Variants in CNBD1 observed in about 807,000 individuals in gnomAD.
CNBD1 encodes cyclic nucleotide binding domain containing 1.
In CNBD1, 71 loss-of-function variants were observed where a neutral mutation model predicts 54.4. That is an observed-to-expected ratio of 1.30 (90% CI 1.08 to 1.59). The LOEUF (loss-of-function observed/expected upper bound fraction) is 1.59. Among genes scored for constraint, CNBD1 ranks in the 40% most tolerant of loss-of-function variants. The pLI is 0.00. For synonymous variants in CNBD1, 182 were observed against 170.7 expected (o/e 1.07, Z -0.51); for missense variants, 659 against 518.0 (o/e 1.27, Z -2.64).
intron 5 of CNBD1, among the ~76,000 whole-genome samples, chr8:87,223,289 G>C (rs1334903198): frequency 3.3e-5 from 5 of 149,326 alleles, no homozygotes; most frequent in African/African-American, 9.9e-5. Context: ...TGTGCACATT[G>C]TGCAGGTTAG....
At chr8:87,421,702 C>T (rs1204585992) in intron 2 of CNBD1, among the ~76,000 whole-genome samples, 1 of 150,684 alleles carries the variant, frequency 6.6e-6, no homozygotes, top group African/African-American at 2.5e-5. Flanking sequence ...GGTTCCAAGT[C>T]TTTGCTATTG....
chr8:86,930,938 C>T (rs549402819), intron 3 of CNBD1, among the ~76,000 whole-genome samples: 1 of 152,298 alleles, frequency 6.6e-6, no homozygotes, highest in African/African-American at 2.4e-5. Context: ...TTTTGCCCTT[C>T]TGAATTGTCC....
At chr8:86,992,679 TA>T (rs1355552736) in intron 4 of CNBD1, among the ~76,000 whole-genome samples, 1 of 152,140 alleles carries the variant, frequency 6.6e-6, no homozygotes, top group Non-Finnish European at 1.5e-5. Flanking sequence ...GGAATTCTCT[TA>T]GACTCTACTT....
At chr8:87,102,760 C>T (rs115900679) in intron 4 of CNBD1, among the ~76,000 whole-genome samples, 2,236 of 152,188 alleles carry the variant, frequency 0.015, 58 homozygotes, top group African/African-American at 0.05. Flanking sequence ...ACTACAGGCA[C>T]CTGCCAAAAC....
At chr8:87,241,467 T>C (rs1807705278) in intron 6 of CNBD1, among the ~76,000 whole-genome samples, 1 of 151,736 alleles carries the variant, frequency 6.6e-6, no homozygotes, top group South Asian at 2.1e-4. Flanking sequence ...AGAGACGGGG[T>C]TTCACCGTGT....
At chr8:86,990,892 T>C (rs1301527231) in intron 4 of CNBD1, among the ~76,000 whole-genome samples, 1 of 152,146 alleles carries the variant, frequency 6.6e-6, no homozygotes, top group Non-Finnish European at 1.5e-5. Flanking sequence ...GTTTTCATTT[T>C]AGAGGTCTTT....
rs571644256 is a variant in CNBD1 at position 87,236,969 on chromosome 8, C to T, written c.628C>T (p.Gln210Ter). The T allele has an allele frequency of 6.2e-7, 1 of 1,611,970 alleles. No homozygotes were observed. Among genetic ancestry groups the T allele is most frequent in the African/African-American group, 1.3e-5 (1 of 74,900 alleles). The change falls in exon 6 of 11, where the codon CAA becomes TAA. Residue 210 changes from glutamine (Q) to a stop codon, truncating the protein, a stop_gained. Coordinates refer to ENST00000518476, the MANE Select transcript of CNBD1 (RefSeq NM_173538.3). LOFTEE classifies it high-confidence loss of function. ...AATACTGAAAGGCCTAGCTCGACCT[C>T]AAACAAACGTGTATAAAAATCTGAT... ...YVILKGLARPQTNVYKNLIEG... is the reference protein window; with the variant it reads ...YVILKGLARP
chr8:87,360,879 C>A (rs1387011084), intron 10 of CNBD1, among the ~76,000 whole-genome samples: 1 of 151,798 alleles, frequency 6.6e-6, no homozygotes, highest in Non-Finnish European at 1.5e-5. Flanking sequence ...ATGCTTAATA[C>A]AAAGCACAGG....
At chr8:87,039,763 G>C (rs1250420899) in intron 4 of CNBD1, among the ~76,000 whole-genome samples, 1 of 152,158 alleles carries the variant, frequency 6.6e-6, no homozygotes, top group Non-Finnish European at 1.5e-5. Flanking sequence ...TTGGATAGGG[G>C]CCAGTGAACT....
At chr8:87,387,683 A>C (rs928334067), downstream of CNBD1, among the ~76,000 whole-genome samples, 2 of 152,184 alleles carry the variant, frequency 1.3e-5, no homozygotes. Context: ...CACTGTCAAC[A>C]TTAGACAGAT....
At chr8:87,417,913 TAAATA>T (rs1236347926) in intron 2 of CNBD1, among the ~76,000 whole-genome samples, 1 of 151,776 alleles carries the variant, frequency 6.6e-6, no homozygotes, top group Non-Finnish European at 1.5e-5. Flanking sequence ...AGAGAAAACA[TAAATA>T]GAAAGACATT....
chr8:87,344,141 G>A (rs546344534), intron 8 of CNBD1, among the ~76,000 whole-genome samples: 3 of 151,796 alleles, frequency 2.0e-5, no homozygotes, highest in African/African-American at 7.3e-5. Flanking sequence ...TGTACAAACA[G>A]GAAAAATAAT....
chr8:86,907,832 C>T (rs1158504279), intron 3 of CNBD1, among the ~76,000 whole-genome samples: 1 of 152,086 alleles, frequency 6.6e-6, no homozygotes, highest in Non-Finnish European at 1.5e-5. Flanking sequence ...TGAAACTCAG[C>T]TTATGTAAAT....
intron 8 of CNBD1, among the ~76,000 whole-genome samples, chr8:87,303,495 A>G (rs932445833): frequency 3.3e-5 from 5 of 152,006 alleles, no homozygotes; most frequent in Admixed American, 3.3e-4. Flanking sequence ...TTCAAGATGG[A>G]TTAAAGACTT....
intron 8 of CNBD1, among the ~76,000 whole-genome samples, chr8:87,300,443 AG>A (rs1194300661): frequency 6.6e-6 from 1 of 152,176 alleles, no homozygotes; most frequent in Non-Finnish European, 1.5e-5. Flanking sequence ...AAAAATCTAA[AG>A]TTATGCATTG....
intron 10 of CNBD1, among the ~76,000 whole-genome samples, chr8:87,354,617 TC>T (rs1475830528): frequency 1.3e-5 from 2 of 151,860 alleles, no homozygotes; most frequent in African/African-American, 4.8e-5. Flanking sequence ...CCATGTGTTC[TC>T]ATTGTTCAAT....
intron 8 of CNBD1, among the ~76,000 whole-genome samples, chr8:87,335,898 T>A (rs1411709119): frequency 1.3e-5 from 2 of 152,230 alleles, no homozygotes; most frequent in Non-Finnish European, 2.9e-5. Context: ...AAGGCAGGCC[T>A]GGTGGTGATG....
intron 4 of CNBD1, among the ~76,000 whole-genome samples, chr8:86,983,792 T>A (rs548216628): frequency 3.2e-4 from 48 of 152,338 alleles, no homozygotes; most frequent in Non-Finnish European, 6.5e-4. Context: ...GTGAATTGGG[T>A]GCTGTTAAAA....
At position 86,892,263 on chromosome 8, in the gene CNBD1, T is replaced by C. The variant is rs531959811; in HGVS notation, c.158+4652T>C. On this transcript the variant is annotated intron_variant, in intron 2 of 10. Transcript: ENST00000518476. ...TGAGGGTTTTTATTATTAACAAAGG[T>C]CAAATACTTATAAAAACTATAACCC... Among the ~76,000 whole-genome samples, 18 of 152,156 alleles carry C rather than the reference T, an allele frequency of 1.2e-4. 1 individual carries two copies. The highest frequency in any genetic ancestry group is 3.8e-4 in the African/African-American group (16 of 41,560).
Sources: gnomAD v4.1 joint callset for allele counts (sites outside exome capture counted in the v4.1 genomes callset) on GRCh38, gnomAD v4.1.1 for gene constraint, MANE v1.5 for transcripts, NCBI Gene and HGNC (gene_info 2026-07-23, HGNC 2026-07-21) for gene names.